The following COPG2 variants were observed in gnomAD, a reference collection of about 807,000 sequenced individuals.
The protein encoded by COPG2 is coatomer subunit gamma-2.
COPG2 carries 37 observed loss-of-function variants against 46.3 expected under a neutral mutation model. That is an observed-to-expected ratio of 0.80 (90% CI 0.61 to 1.05). The LOEUF (loss-of-function observed/expected upper bound fraction) is 1.05, where lower values mean the gene tolerates loss of function less well. Among genes scored for constraint, COPG2 ranks in the 50% least tolerant of loss-of-function variants. The probability of loss-of-function intolerance (pLI) is 0.00; values close to 1 mark genes in which losing one functional copy is unlikely to be tolerated. For missense variants in COPG2, 427 were observed against 387.8 expected, an observed-to-expected ratio of 1.10 and a Z score of -0.85; for synonymous variants, 159 against 129.7, an observed-to-expected ratio of 1.23 and a Z score of -1.53.
At chr7:130,510,303 G>C in intron 20 of COPG2, 1 of 497,692 alleles carries the variant, frequency 2.0e-6, no homozygotes, top group South Asian at 1.5e-5. Flanking sequence ...ATGCCATTAG[G>C]GGTTGAGAAA....
At position 130,645,629 on chromosome 7, in the gene COPG2, T is replaced by C. The variant is rs190292242; in HGVS notation, c.323+7240A>G. ...TTATTAACTGAAGAAACATGGGTGCTCTTTAGAGATTTTTTTCAAGATTAG... is the reference window on the plus strand; with the variant it reads ...TTATTAACTGAAGAAACATGGGTGCCCTTTAGAGATTTTTTTCAAGATTAG... On this transcript the variant is annotated intron_variant, in intron 5 of 23. Coordinates refer to ENST00000425248, the MANE Select transcript of COPG2 (RefSeq NM_012133.6). 310 of 161,534 alleles carry C rather than the reference T, an allele frequency of 1.9e-3. 2 individuals are homozygous for C. The highest frequency in any genetic ancestry group is 6.7e-3 in the African/African-American group (281 of 41,646). The allele number at this position is 161,534 out of a possible 1,614,324, so 10.0% of individuals were successfully genotyped here. A position where few individuals can be genotyped will look rare whatever the true frequency, so the allele number is the denominator to read the frequency against.
chr7:130,514,589 A>G (rs1234470717), intron 20 of COPG2, among the ~76,000 whole-genome samples: 4 of 152,200 alleles, frequency 2.6e-5, no homozygotes, highest in African/African-American at 7.2e-5. Flanking sequence ...GACAGCAGCT[A>G]AAAGAAGGGA....
At chr7:130,614,040 T>A (rs954314413) in intron 6 of COPG2, among the ~76,000 whole-genome samples, 2 of 152,120 alleles carry the variant, frequency 1.3e-5, no homozygotes, top group Non-Finnish European at 2.9e-5. Flanking sequence ...TATATACAGA[T>A]CCCAGAGAGT....
chr7:130,546,964 T>C (rs1294119348), intron 20 of COPG2: 1 of 152,092 alleles, frequency 6.6e-6, no homozygotes, highest in African/African-American at 2.4e-5. Context: ...GCACTGAACA[T>C]GAGAAGAGAA....
intron 5 of COPG2, among the ~76,000 whole-genome samples, chr7:130,647,023 A>G (rs192152048): frequency 1.5e-3 from 59 of 39,288 alleles, no homozygotes; most frequent in South Asian, 0.014. Flanking sequence ...ATATATATAT[A>G]TGTGTATATA....
chr7:130,648,311 T>C (rs147896912), intron 5 of COPG2, among the ~76,000 whole-genome samples: 11 of 152,292 alleles, frequency 7.2e-5, no homozygotes, highest in Non-Finnish European at 1.2e-4. Flanking sequence ...AACATAAGTC[T>C]CACTGGGCTA....
rs1404444625 is a variant in COPG2 at position 130,507,776 on chromosome 7, C to T, written c.2295G>A (p.Leu765=). 3.8e-6 allele frequency: 3 copies of T among 780,550 alleles called. No individual in the cohort carries two copies. The highest frequency in any genetic ancestry group is 7.2e-6 in the Non-Finnish European group (3 of 417,872). The allele number at this position is 780,550 out of a possible 1,614,324, so 48.4% of individuals were successfully genotyped here. The change falls in exon 22 of 24, where the codon CTG becomes CTA. Residue 765 remains leucine, a synonymous_variant. Coordinates refer to ENST00000425248, the MANE Select transcript of COPG2 (RefSeq NM_012133.6). ...CCCAAGCAGCAGCAAAGTTAGGCTT[C>T]AGTACTTTCTGAATATGGTCAGACA... ...VTVSDHIQKV[L]KPNFAAAWEE...
chr7:130,621,557 C>T (rs1789103003), intron 5 of COPG2, among the ~76,000 whole-genome samples: 1 of 152,100 alleles, frequency 6.6e-6, no homozygotes. Flanking sequence ...GCCTGTAATC[C>T]CAGCATTTTG....
At chr7:130,632,514 T>C (rs1795251271) in intron 5 of COPG2, among the ~76,000 whole-genome samples, 3 of 152,320 alleles carry the variant, frequency 2.0e-5, no homozygotes, top group South Asian at 2.1e-4. Context: ...TCAGTCATTA[T>C]TTTCTCAAAT....
At chr7:130,578,655 G>A (rs568828236) in intron 9 of COPG2, among the ~76,000 whole-genome samples, 24 of 152,272 alleles carry the variant, frequency 1.6e-4, no homozygotes, top group Non-Finnish European at 2.6e-4. Context: ...GTGCTTAAAG[G>A]AGGTGATGGA....
intron 22 of COPG2, 60 bp from the exon 23 acceptor site, chr7:130,507,432 G>A (rs767434005): frequency 7.5e-5 from 58 of 775,884 alleles, no homozygotes; most frequent in Non-Finnish European, 1.3e-4. Context: ...ATCTCCCTCT[G>A]CACCAGTGTA....
At position 130,593,241 on chromosome 7, in the gene COPG2, A is replaced by G. The variant is rs531261678; in HGVS notation, c.737+17712T>C. On this transcript the variant is annotated intron_variant, in intron 9 of 23. Coordinates refer to ENST00000425248, the MANE Select transcript of COPG2 (RefSeq NM_012133.6). ...CATTTTGGCAGCATGCCCAGTCATC[A>G]GGATGGCTAATCACTAACTGCAACT... Among the ~76,000 whole-genome samples, 13 of 152,382 alleles carry G rather than the reference A, an allele frequency of 8.5e-5. No homozygotes were observed. The South Asian group carries it at 2.5e-3, about 29-fold the overall frequency.
chr7:130,569,558 G>A (rs1202291410), intron 9 of COPG2, among the ~76,000 whole-genome samples: 2 of 151,868 alleles, frequency 1.3e-5, no homozygotes, highest in Non-Finnish European at 2.9e-5. Context: ...AGATTGAAAT[G>A]GTAATAAAAA....
At chr7:130,650,544 T>C (rs1795715525) in intron 5 of COPG2, among the ~76,000 whole-genome samples, 1 of 152,186 alleles carries the variant, frequency 6.6e-6, no homozygotes, top group African/African-American at 2.4e-5. Flanking sequence ...GGTTTTTTTG[T>C]TCATTTGTTT....
chr7:130,645,195 C>G (rs1795571077), intron 5 of COPG2: 2 of 664,038 alleles, frequency 3.0e-6, no homozygotes, highest in African/African-American at 3.6e-5. Flanking sequence ...TCAGAGAGTA[C>G]CCCCTTTCCA....
At chr7:130,509,884 T>C (rs555891586) in intron 20 of COPG2, 3 of 487,018 alleles carry the variant, frequency 6.2e-6, no homozygotes, top group African/African-American at 3.9e-5. Context: ...AACGATATAA[T>C]AGTTTAACTG....
At chr7:130,649,690 T>C (rs1481911202) in intron 5 of COPG2, among the ~76,000 whole-genome samples, 6 of 152,228 alleles carry the variant, frequency 3.9e-5, no homozygotes, top group Admixed American at 3.9e-4. Context: ...TGCTCACTTT[T>C]TTCTAAGTCT....
chr7:130,611,249 C>G (rs1197583300), intron 8 of COPG2, 139 bp from the exon 9 acceptor site: 1 of 746,224 alleles, frequency 1.3e-6, no homozygotes, highest in African/African-American at 1.8e-5. Flanking sequence ...TTTTTTCACA[C>G]TGAACTAAAC....
chr7:130,617,019 C>T lies in COPG2; in HGVS notation c.370G>A (p.Ala124Thr). Residue 124 changes from alanine to threonine, a missense_variant, in exon 6 of 24, where the codon GCC becomes ACC. Ala to Thr is a moderately conservative substitution (Grantham distance 58). Transcript: ENST00000425248. ...GTGATCCTGCAGAGAGCTCTGATGG[C>T]CGGGCCTCGGTATACATCTTCTTTT... ...TGKEDVYRGP[A>T]IRALCRITDG... 12 of 1,611,604 alleles carry T rather than the reference C, an allele frequency of 7.4e-6. No homozygotes were observed. The highest frequency in any genetic ancestry group is 1.0e-5 in the Non-Finnish European group (12 of 1,178,402).
Sources: allele counts gnomAD v4.1 joint callset (sites outside exome capture counted in the v4.1 genomes callset), GRCh38; gene constraint gnomAD v4.1.1; transcripts MANE v1.5; gene names NCBI Gene and HGNC (gene_info 2026-07-23, HGNC 2026-07-21).